The following DLGAP1 variants were observed in gnomAD, a reference collection of about 807,000 sequenced individuals.
DLGAP1 encodes the protein disks large-associated protein 1.
A neutral mutation model predicts 90.8 loss-of-function variants in DLGAP1; 11 were observed. The ratio of observed to expected loss-of-function variants is 0.12; its 90% CI spans 0.08 to 0.20. The LOEUF is 0.20. DLGAP1 is among the 10% of genes least tolerant of loss of function. The pLI, the probability that DLGAP1 is intolerant of heterozygous loss-of-function variation, is 1.00. For synonymous variants in DLGAP1, 558 were observed against 540.7 expected (o/e 1.03, Z -0.44); for missense variants, 1,050 against 1,333.8 (o/e 0.79, Z 3.31).
chr18:3,629,211 G>C (rs184887220), intron 7 of DLGAP1, among the ~76,000 whole-genome samples: 82 of 151,932 alleles, frequency 5.4e-4, no homozygotes, highest in African/African-American at 1.9e-3. Context: ...ACAGGAGTTT[G>C]AGACTAGCCT....
chr18:3,975,082 A>G (rs1267894466), intron 3 of DLGAP1, among the ~76,000 whole-genome samples: 1 of 152,160 alleles, frequency 6.6e-6, no homozygotes, highest in South Asian at 2.1e-4. Flanking sequence ...CAGTTTTGCA[A>G]GATGAAGATT....
chr18:4,394,055 CAACT>C (rs1192195226), intron 1 of DLGAP1, among the ~76,000 whole-genome samples: 3 of 152,088 alleles, frequency 2.0e-5, no homozygotes, highest in Non-Finnish European at 4.4e-5. Flanking sequence ...TGCTCTAGAA[CAACT>C]AATACGTAGA....
chr18:3,529,673 C>T (rs663820), intron 10 of DLGAP1, among the ~76,000 whole-genome samples: 68,946 of 151,896 alleles, frequency 0.45, 17,875 homozygotes, highest in Admixed American at 0.59. Flanking sequence ...AAAGATACAT[C>T]GGTTATTATA....
intron 3 of DLGAP1, among the ~76,000 whole-genome samples, chr18:3,937,295 T>C (rs1417412860): frequency 2.6e-5 from 4 of 152,186 alleles, no homozygotes; most frequent in Non-Finnish European, 5.9e-5. Context: ...TGACTCGCAG[T>C]TCCACTGTGA....
At chr18:4,449,149 G>A (rs1008129716) in intron 1 of DLGAP1, among the ~76,000 whole-genome samples, 6 of 152,180 alleles carry the variant, frequency 3.9e-5, no homozygotes, top group African/African-American at 1.4e-4. Context: ...GAGGTGAGGG[G>A]TAGGAAAGAA....
chr18:4,100,628 G>C (rs916355699), intron 2 of DLGAP1, among the ~76,000 whole-genome samples: 28 of 152,282 alleles, frequency 1.8e-4, no homozygotes, highest in Admixed American at 1.8e-3. Context: ...CTCCCCTTTA[G>C]CTCTGAAAGG....
At chr18:4,310,230 G>C (rs2080363889) in intron 1 of DLGAP1, among the ~76,000 whole-genome samples, 1 of 152,116 alleles carries the variant, frequency 6.6e-6, no homozygotes, top group African/African-American at 2.4e-5. Flanking sequence ...CCAGTTTCTT[G>C]GGTGTGAGTT....
At chr18:3,915,000 C>T (rs1160819669) in intron 3 of DLGAP1, among the ~76,000 whole-genome samples, 2 of 152,174 alleles carry the variant, frequency 1.3e-5, no homozygotes, top group African/African-American at 4.8e-5. Context: ...GTCTCAGCCT[C>T]CTAAACTGCT....
intron 1 of DLGAP1, among the ~76,000 whole-genome samples, chr18:4,169,935 T>C (rs527240336): frequency 1.1e-4 from 16 of 152,296 alleles, no homozygotes; most frequent in South Asian, 4.1e-4. Flanking sequence ...AGGGCCCTTA[T>C]TGTAAAATGT....
At chr18:3,999,146 T>C (rs1263693752) in intron 3 of DLGAP1, among the ~76,000 whole-genome samples, 1 of 152,128 alleles carries the variant, frequency 6.6e-6, no homozygotes, top group Non-Finnish European at 1.5e-5. Context: ...GTGATTTATA[T>C]GTCCATTAGT....
chr18:3,509,973 C>A (rs928032724), intron 10 of DLGAP1, among the ~76,000 whole-genome samples: 2 of 152,198 alleles, frequency 1.3e-5, no homozygotes, highest in Non-Finnish European at 2.9e-5. Context: ...TGCCCCCTCC[C>A]TCCGTGATCT....
At chr18:4,205,650 G>GT (rs1167245785) in intron 1 of DLGAP1, among the ~76,000 whole-genome samples, 1 of 152,176 alleles carries the variant, frequency 6.6e-6, no homozygotes, top group Non-Finnish European at 1.5e-5. Flanking sequence ...GAGCCACCAT[G>GT]CCCAGCCTTA....
intron 1 of DLGAP1, among the ~76,000 whole-genome samples, chr18:4,172,426 C>T (rs2077040496): frequency 6.6e-6 from 1 of 152,302 alleles, no homozygotes; most frequent in Non-Finnish European, 1.5e-5. Context: ...AAATATATCA[C>T]CATTTAGTCT....
intron 1 of DLGAP1, among the ~76,000 whole-genome samples, chr18:4,168,801 C>T (rs181361931): frequency 6.6e-6 from 1 of 152,270 alleles, no homozygotes; most frequent in Admixed American, 6.5e-5. Flanking sequence ...CCAGGCTGAA[C>T]TCGAACCTCT....
chr18:3,884,947 C>T (rs1325675927), intron 3 of DLGAP1, among the ~76,000 whole-genome samples: 1 of 152,156 alleles, frequency 6.6e-6, no homozygotes, highest in African/African-American at 2.4e-5. Context: ...AACTTAATAC[C>T]ATGGCCCTTT....
intron 1 of DLGAP1, among the ~76,000 whole-genome samples, chr18:4,200,632 A>AG (rs1007029063): frequency 2.0e-5 from 3 of 151,806 alleles, no homozygotes; most frequent in Non-Finnish European, 4.4e-5. Context: ...AAATATTAAA[A>AG]TTTTTTACTA....
intron 1 of DLGAP1, among the ~76,000 whole-genome samples, chr18:4,388,485 G>C (rs1205026746): frequency 6.6e-6 from 1 of 152,142 alleles, no homozygotes; most frequent in Non-Finnish European, 1.5e-5. Context: ...GCGGGAAAGG[G>C]TGAGCTTGCC....
At chr18:3,929,806 T>C (rs140197077) in intron 3 of DLGAP1, among the ~76,000 whole-genome samples, 1 of 152,206 alleles carries the variant, frequency 6.6e-6, no homozygotes. Flanking sequence ...TCGTCTAAAT[T>C]TTTTCTCAAA....
rs34299932 is a variant in DLGAP1, at chr18:4,177,351, AACACACACACACACAC to A, written c.-266-26080_-266-26065del. ...AATACATATGCCTTGACTTTCTTTG[AACACACACACACACAC>A]ACACACACACACACACACACACACA... On this transcript the variant is annotated intron_variant, in intron 1 of 12. Coordinates refer to ENST00000315677, the MANE Select transcript of DLGAP1 (RefSeq NM_004746.4). Among the ~76,000 whole-genome samples, 358 of 141,662 alleles carry A rather than the reference AACACACACACACACAC, an allele frequency of 2.5e-3. 2 individuals carry two copies. Among genetic ancestry groups the A allele is most frequent in the Admixed American group, 0.016 (223 of 14,226 alleles). 92.9% of individuals were successfully genotyped at this position (141,662 alleles called of 152,430 possible).
Sources: allele counts gnomAD v4.1 joint callset (sites outside exome capture counted in the v4.1 genomes callset), GRCh38; gene constraint gnomAD v4.1.1; transcripts MANE v1.5; gene names NCBI Gene and HGNC (gene_info 2026-07-23, HGNC 2026-07-21).